CCSER1: variants seen among roughly 807,000 people sequenced by gnomAD.
The protein encoded by CCSER1 is serine-rich coiled-coil domain-containing protein 1.
Under a neutral mutation model 82.0 loss-of-function variants are expected in CCSER1, and 41 were observed. The observed-to-expected ratio is 0.50, with a 90% CI of 0.39 to 0.65. The LOEUF (loss-of-function observed/expected upper bound fraction) is 0.65. Among genes scored for constraint, CCSER1 ranks in the 30% least tolerant of loss-of-function variants. The probability of loss-of-function intolerance (pLI) is 0.00; values close to 1 mark genes in which losing one functional copy is unlikely to be tolerated. For synonymous variants in CCSER1, 414 were observed against 383.9 expected (o/e 1.08, Z -0.92); for missense variants, 1,119 against 1,064.2 (o/e 1.05, Z -0.72).
intron 1 of CCSER1, among the ~76,000 whole-genome samples, chr4:90,164,113 A>G (rs1411088913): frequency 6.6e-6 from 1 of 152,102 alleles, no homozygotes. Context: ...CCTGGAAATC[A>G]TGACTGCTTC....
intron 4 of CCSER1, among the ~76,000 whole-genome samples, chr4:90,448,247 A>G (rs1418956043): frequency 6.7e-6 from 1 of 149,336 alleles, no homozygotes; most frequent in Non-Finnish European, 1.5e-5. Flanking sequence ...ATGGATAACA[A>G]CCATGATTTT....
chr4:90,227,815 G>A (rs566824346), intron 1 of CCSER1, among the ~76,000 whole-genome samples: 7 of 152,338 alleles, frequency 4.6e-5, no homozygotes, highest in South Asian at 2.1e-4. Context: ...CTCGGGAAGC[G>A]CAAAGAGTCA....
chr4:91,282,279 A>G (rs1407819095), intron 10 of CCSER1, among the ~76,000 whole-genome samples: 3 of 152,112 alleles, frequency 2.0e-5, no homozygotes, highest in East Asian at 3.9e-4. Context: ...CTCAAATGCA[A>G]TGCTGAAACA....
At chr4:90,303,353 A>G (rs1733551239) in intron 1 of CCSER1, among the ~76,000 whole-genome samples, 1 of 152,142 alleles carries the variant, frequency 6.6e-6, no homozygotes, top group Non-Finnish European at 1.5e-5. Flanking sequence ...GTCAATCCTA[A>G]GCCAAAAGAA....
At chr4:90,192,268 A>T (rs576885874) in intron 1 of CCSER1, among the ~76,000 whole-genome samples, 2 of 152,000 alleles carry the variant, frequency 1.3e-5, no homozygotes, top group African/African-American at 4.8e-5. Flanking sequence ...ACTCACTATC[A>T]TGAGAACAGC....
At chr4:91,367,968 G>A (rs780512655) in intron 10 of CCSER1, among the ~76,000 whole-genome samples, 1 of 152,114 alleles carries the variant, frequency 6.6e-6, no homozygotes, top group Non-Finnish European at 1.5e-5. Context: ...AGTGGGCTTG[G>A]ATAGCATTTA....
chr4:90,980,374 A>G (rs904473542), intron 9 of CCSER1, among the ~76,000 whole-genome samples: 1 of 151,876 alleles, frequency 6.6e-6, no homozygotes, highest in African/African-American at 2.4e-5. Flanking sequence ...GGAGACCTGT[A>G]GGAGATAAGT....
chr4:91,465,263 T>C (rs13141290), intron 10 of CCSER1, among the ~76,000 whole-genome samples: 102,024 of 152,012 alleles, frequency 0.67, 34,553 homozygotes, highest in East Asian at 0.89. Flanking sequence ...TTACTGGGTA[T>C]ATAACGAAAT....
chr4:91,242,054 TAGTA>T (rs1169121604), intron 10 of CCSER1, among the ~76,000 whole-genome samples: 3 of 152,046 alleles, frequency 2.0e-5, no homozygotes, highest in African/African-American at 7.2e-5. Context: ...TAATGAAAGA[TAGTA>T]AGAGGAAAAC....
chr4:91,313,185 A>T (rs1235920903), intron 10 of CCSER1, among the ~76,000 whole-genome samples: 2 of 151,936 alleles, frequency 1.3e-5, no homozygotes, highest in Admixed American at 6.6e-5. Flanking sequence ...GTACTTAAAC[A>T]TATTTTCTAT....
intron 10 of CCSER1, among the ~76,000 whole-genome samples, chr4:91,418,921 G>T (rs993017204): frequency 1.3e-5 from 2 of 151,492 alleles, no homozygotes; most frequent in African/African-American, 2.4e-5. Context: ...TTATCCATGG[G>T]GTACAAGTAT....
intron 3 of CCSER1, among the ~76,000 whole-genome samples, chr4:90,329,366 G>C (rs1738860513): frequency 2.6e-5 from 4 of 152,114 alleles, no homozygotes; most frequent in Admixed American, 2.6e-4. Context: ...AAGATTTAAA[G>C]TGCTATACAA....
chr4:90,922,833 C>A (rs571543839), intron 8 of CCSER1, among the ~76,000 whole-genome samples: 2 of 152,086 alleles, frequency 1.3e-5, no homozygotes, highest in African/African-American at 2.4e-5. Flanking sequence ...GAAATCCCAA[C>A]CTAGTTCGTG....
intron 7 of CCSER1, among the ~76,000 whole-genome samples, chr4:90,731,547 TAAGC>T (rs999938071): frequency 2.6e-5 from 4 of 152,110 alleles, no homozygotes; most frequent in Admixed American, 6.6e-5. Flanking sequence ...GGTGAAGAAA[TAAGC>T]AGGTAAAAAT....
intron 5 of CCSER1, among the ~76,000 whole-genome samples, chr4:90,484,668 C>T (rs974449474): frequency 3.0e-4 from 45 of 152,168 alleles, no homozygotes; most frequent in Non-Finnish European, 5.0e-4. Flanking sequence ...GTATCAGCAG[C>T]GGTGGCTGCA....
chr4:90,439,125 C>T (rs1275393714), intron 4 of CCSER1, among the ~76,000 whole-genome samples: 1 of 151,976 alleles, frequency 6.6e-6, no homozygotes, highest in Non-Finnish European at 1.5e-5. Context: ...AACCCCGTCA[C>T]TAATAAAAAA....
rs1196463150 is a variant in CCSER1 at position 90,932,996 on chromosome 4, GAAAGAAAGAA to G, written c.2172+9551_2172+9560del. The stretch of plus-strand genomic sequence containing the variant: ...AAAGAAAGAAAGAGAAAGAAAGAAA[GAAAGAAAGAA>G]AGAAAGAAAGAAAGAAAGAAAGAAA... On this transcript the variant is annotated intron_variant, in intron 9 of 10. Coordinates refer to ENST00000509176, the MANE Select transcript of CCSER1 (RefSeq NM_001145065.2). Among the ~76,000 whole-genome samples the G allele has an allele frequency of 1.4e-4, 8 of 56,072 alleles. 2 individuals carry two copies. Among genetic ancestry groups the G allele is most frequent in the African/African-American group, 7.7e-4 (6 of 7,784 alleles). 36.8% of individuals were successfully genotyped at this position (56,072 alleles called of 152,430 possible). A position where few individuals can be genotyped will look rare whatever the true frequency, so the allele number is the denominator to read the frequency against.
intron 10 of CCSER1, among the ~76,000 whole-genome samples, chr4:91,122,466 C>T (rs1156437589): frequency 1.3e-5 from 2 of 151,514 alleles, no homozygotes; most frequent in Non-Finnish European, 3.0e-5. Context: ...TAATATACAA[C>T]CTGAAAAACT....
chr4:91,239,056 C>T (rs1739246209), intron 10 of CCSER1, among the ~76,000 whole-genome samples: 2 of 151,934 alleles, frequency 1.3e-5, no homozygotes, highest in South Asian at 4.2e-4. Flanking sequence ...GATCTTCTGA[C>T]CACGTGATCC....
Sources: gnomAD v4.1 joint callset for allele counts (sites outside exome capture counted in the v4.1 genomes callset) on GRCh38, gnomAD v4.1.1 for gene constraint, MANE v1.5 for transcripts, NCBI Gene and HGNC (gene_info 2026-07-23, HGNC 2026-07-21) for gene names.